Variants in NR1H4 observed in about 807,000 individuals in gnomAD.
The protein encoded by NR1H4 is nuclear receptor subfamily 1 group H member 4, also known as bile acid receptor.
Under a neutral mutation model 58.5 loss-of-function variants are expected in NR1H4, and 23 were observed. That is an observed-to-expected ratio of 0.39 (90% CI 0.28 to 0.56). The LOEUF is 0.56. NR1H4 is among the 20% of genes least tolerant of loss of function. The pLI is 0.58. For synonymous variants in NR1H4, 214 were observed against 198.0 expected (o/e 1.08, Z -0.68); for missense variants, 487 against 576.9 (o/e 0.84, Z 1.60).
At chr12:100,542,346 G>A (rs76720750) in intron 9 of NR1H4, among the ~76,000 whole-genome samples, 1 of 150,348 alleles carries the variant, frequency 6.7e-6, no homozygotes, top group African/African-American at 2.4e-5. Flanking sequence ...GACTCAGTCT[G>A]AAAAAAAAAG....
intron 4 of NR1H4, among the ~76,000 whole-genome samples, chr12:100,516,988 G>T (rs910309013): frequency 2.0e-5 from 3 of 151,808 alleles, no homozygotes; most frequent in Non-Finnish European, 4.4e-5. Context: ...ATCAAATCAG[G>T]GTAATTAGCA....
At chr12:100,522,344 T>G (rs1337987766) in intron 4 of NR1H4, among the ~76,000 whole-genome samples, 1 of 152,178 alleles carries the variant, frequency 6.6e-6, no homozygotes, top group Non-Finnish European at 1.5e-5. Flanking sequence ...CAGGACAGTC[T>G]TTTGAAGCAG....
intron 3 of NR1H4, 46 bp from the exon 4 acceptor site, chr12:100,510,732 C>G: frequency 6.2e-7 from 1 of 1,611,892 alleles, no homozygotes; most frequent in Non-Finnish European, 8.5e-7. Flanking sequence ...TCTCTAATTT[C>G]CAGAATGATG....
At chr12:100,553,244 C>T (rs1234986687) in intron 9 of NR1H4, among the ~76,000 whole-genome samples, 3 of 152,100 alleles carry the variant, frequency 2.0e-5, no homozygotes, top group African/African-American at 4.8e-5. Flanking sequence ...GTGATCCGCC[C>T]GCCTTGGCCT....
At chr12:100,516,077 A>G (rs1268716200) in intron 4 of NR1H4, among the ~76,000 whole-genome samples, 1 of 152,238 alleles carries the variant, frequency 6.6e-6, no homozygotes, top group East Asian at 1.9e-4. Flanking sequence ...AAGGCCACTC[A>G]TCTGGCCAAG....
chr12:100,536,651 A>G, intron 7 of NR1H4, 41 bp downstream of exon 7: 2 of 1,159,046 alleles, frequency 1.7e-6, no homozygotes, highest in Non-Finnish European at 2.6e-6. Flanking sequence ...TAAAGTTAAT[A>G]TTTTCTGGAG....
At chr12:100,563,098 T>G (rs565697150) in intron 10 of NR1H4, among the ~76,000 whole-genome samples, 153 bp from the exon 11 acceptor site, 42 of 152,336 alleles carry the variant, frequency 2.8e-4, no homozygotes, top group African/African-American at 9.9e-4. Context: ...TACGTGTGTG[T>G]GCATAAAAAT....
At chr12:100,532,379 G>A in intron 4 of NR1H4, 79 bp from the exon 5 acceptor site, 2 of 1,422,858 alleles carry the variant, frequency 1.4e-6, no homozygotes, top group Non-Finnish European at 2.0e-6. Context: ...AAATGTCCTG[G>A]CATCTCTCAA....
rs539068504 is a variant in NR1H4 at position 100,563,178 on chromosome 12, G to A, written c.1193-73G>A. The A allele has an allele frequency of 1.6e-4, 185 of 1,157,662 alleles. 1 individual carries two copies. The highest frequency in any genetic ancestry group is 1.2e-3 in the African/African-American group (78 of 65,760). The allele number at this position is 1,157,662 out of a possible 1,614,324, so 71.7% of individuals were successfully genotyped here. On this transcript the variant is annotated intron_variant, in intron 10 of 10. Coordinates refer to ENST00000392986, the MANE Select transcript of NR1H4 (RefSeq NM_001206979.2). ...TAACTTACACTTCAAAATAGTTAACGTTGCTATAATTATGCTGAATTAATG... is the reference window on the plus strand; with the variant it reads ...TAACTTACACTTCAAAATAGTTAACATTGCTATAATTATGCTGAATTAATG...
At chr12:100,514,618 C>T (rs1389514187) in intron 4 of NR1H4, among the ~76,000 whole-genome samples, 2 of 152,106 alleles carry the variant, frequency 1.3e-5, no homozygotes, top group African/African-American at 4.8e-5. Flanking sequence ...TCTGGGGTTA[C>T]AATCACCCCA....
intron 3 of NR1H4, among the ~76,000 whole-genome samples, chr12:100,499,691 G>A (rs1171011031): frequency 1.3e-5 from 2 of 152,110 alleles, no homozygotes; most frequent in Admixed American, 1.3e-4. Flanking sequence ...CAGATTCTTA[G>A]GGATGCCAAG....
In NR1H4 at chr12:100,537,066, A is replaced by C. The variant is rs78840164; in HGVS notation, c.931+19A>C. 1,159 of 1,421,864 alleles carry C rather than the reference A, an allele frequency of 8.2e-4. 8 individuals are homozygous for C. In the African/African-American group the frequency reaches 0.015, roughly 19 times the overall value. The allele number at this position is 1,421,864 out of a possible 1,614,324, so 88.1% of individuals were successfully genotyped here. A position where few individuals can be genotyped will look rare whatever the true frequency, so the allele number is the denominator to read the frequency against. On this transcript the variant is annotated intron_variant, in intron 8 of 10. Coordinates refer to ENST00000392986, the MANE Select transcript of NR1H4 (RefSeq NM_001206979.2). ...CTACCAGGTATTTTTTAAATAATCA[A>C]AGTTAATATTTATTGAGAGTTTAAA...
In NR1H4 at chr12:100,510,799, C is replaced by T; in HGVS notation, c.101C>T (p.Ala34Val). 6.2e-7 allele frequency: 1 copy of T among 1,613,960 alleles called. No homozygotes were observed. The highest frequency in any genetic ancestry group is 8.5e-7 in the Non-Finnish European group (1 of 1,179,954). ...TCAGGTGTTTTAACAGAACAAGTGG[C>T]AGGTCCTCTGGGACAGAACCTGGAA... Reference protein sequence around the residue: ...NLFGVLTEQVAGPLGQNLEVE... With the variant: ...NLFGVLTEQVVGPLGQNLEVE... The change falls in exon 4 of 11, where the codon GCA becomes GTA. Residue 34 changes from alanine to valine, a missense_variant. By Grantham distance (64) the Ala-to-Val change is moderately conservative. Coordinates refer to ENST00000392986, the MANE Select transcript of NR1H4 (RefSeq NM_001206979.2).
chr12:100,511,112 C>G lies in NR1H4; in HGVS notation c.414C>G (p.His138Gln). 1.2e-6 allele frequency: 2 copies of G among 1,614,236 alleles called. No individual in the cohort carries two copies. Among genetic ancestry groups the G allele is most frequent in the Non-Finnish European group, 1.7e-6 (2 of 1,180,038 alleles). ...GTGGAGACAGAGCCTCTGGATACCA[C>G]TATAATGCACTGACCTGTGAGGGGT... The part of the protein sequence containing the change: ...VVCGDRASGY[H>Q]YNALTCEGCK... Residue 138 changes from histidine to glutamine, a missense_variant, in exon 4 of 11, where the codon CAC becomes CAG. His to Gln is a conservative substitution (Grantham distance 24, BLOSUM62 0). Transcript: ENST00000392986.
chr12:100,532,758 T>C, intron 5 of NR1H4, 148 bp downstream of exon 5: 1 of 704,772 alleles, frequency 1.4e-6, no homozygotes, highest in Non-Finnish European at 2.3e-6. Flanking sequence ...ACCACTGAAA[T>C]TGTCCAAACT....
rs547831872 is a variant in NR1H4, at chr12:100,536,440, G to A, written c.733-72G>A. 43 of 861,160 alleles carry A rather than the reference G, an allele frequency of 5.0e-5. No homozygotes were observed. In the East Asian group the frequency reaches 1.0e-3, roughly 21 times the overall value. 53.3% of individuals were successfully genotyped at this position (861,160 alleles called of 1,614,324 possible). ...TGATTTCTGCTATTAGGTCCCTCCA[G>A]ATGAATGCACATATAGAAAGAAGGC... On this transcript the variant is annotated intron_variant, in intron 6 of 10. Transcript: ENST00000392986.
chr12:100,488,714 T>G (rs1439860995), intron 1 of NR1H4, among the ~76,000 whole-genome samples: 1 of 152,194 alleles, frequency 6.6e-6, no homozygotes, highest in Non-Finnish European at 1.5e-5. Flanking sequence ...TTCATCTATT[T>G]CTTAAAAGGA....
chr12:100,496,016 C>G (rs996781573), intron 3 of NR1H4, among the ~76,000 whole-genome samples: 1 of 152,060 alleles, frequency 6.6e-6, no homozygotes, highest in Admixed American at 6.6e-5. Context: ...GGACTCTTTT[C>G]CAGTGGTTAA....
chr12:100,538,492 C>T (rs921296737), intron 8 of NR1H4, among the ~76,000 whole-genome samples: 3 of 152,114 alleles, frequency 2.0e-5, no homozygotes, highest in Non-Finnish European at 4.4e-5. Context: ...CTGATGGTGC[C>T]AGTATAGAAA....
Sources: allele counts gnomAD v4.1 joint callset (sites outside exome capture counted in the v4.1 genomes callset), GRCh38; gene constraint gnomAD v4.1.1; transcripts MANE v1.5; gene names NCBI Gene and HGNC (gene_info 2026-07-23, HGNC 2026-07-21).